The following SGCD variants were observed in gnomAD, a reference collection of about 807,000 sequenced individuals.
SGCD encodes the protein delta-sarcoglycan.
Under a neutral mutation model 36.6 loss-of-function variants are expected in SGCD, and 18 were observed. The observed-to-expected ratio is 0.49, with a 90% confidence interval of 0.34 to 0.73. SGCD has a LOEUF of 0.73. Ranked by LOEUF, SGCD falls within the 30% of genes least tolerant of loss-of-function variation. The probability of loss-of-function intolerance (pLI) is 0.01; values close to 1 mark genes in which losing one functional copy is unlikely to be tolerated. For synonymous variants in SGCD, 133 were observed against 130.6 expected (o/e 1.02, Z -0.12); for missense variants, 387 against 346.7 (o/e 1.12, Z -0.92).
At chr5:156,020,111 G>A (rs1759067773) in intron 1 of SGCD, among the ~76,000 whole-genome samples, 2 of 152,272 alleles carry the variant, frequency 1.3e-5, no homozygotes, top group South Asian at 4.1e-4. Flanking sequence ...CCACCTAGAT[G>A]TGATCAACTA....
intron 3 of SGCD, among the ~76,000 whole-genome samples, chr5:156,233,152 G>A (rs1765063969): frequency 1.3e-5 from 2 of 152,126 alleles, no homozygotes; most frequent in Non-Finnish European, 2.9e-5. Context: ...AAAATTTGTA[G>A]CTATGTAGAA....
chr5:156,697,395 T>C (rs530868192), intron 7 of SGCD, among the ~76,000 whole-genome samples: 234 of 152,300 alleles, frequency 1.5e-3, no homozygotes, highest in Non-Finnish European at 2.7e-3. Flanking sequence ...ACATGTGTAC[T>C]TTTTTGTTCT....
At chr5:156,619,828 A>G (rs1762173993) in intron 6 of SGCD, among the ~76,000 whole-genome samples, 1 of 152,216 alleles carries the variant, frequency 6.6e-6, no homozygotes, top group Admixed American at 6.5e-5. Context: ...AGTACTAAAA[A>G]TATTCTCTTA....
intron 1 of SGCD, among the ~76,000 whole-genome samples, chr5:156,033,947 C>G: frequency 6.6e-6 from 1 of 152,130 alleles, no homozygotes; most frequent in African/African-American, 2.4e-5. Flanking sequence ...AAGACACAAT[C>G]TTTTCCTCAC....
At chr5:156,477,685 C>A (rs202012309) in intron 3 of SGCD, among the ~76,000 whole-genome samples, 2,196 of 100,846 alleles carry the variant, frequency 0.022, no homozygotes, top group Middle Eastern at 0.027. Flanking sequence ...AGTATTTGAG[C>A]AAAAAAAAAA....
the SGCD span, among the ~76,000 whole-genome samples, chr5:155,852,631 C>T: frequency 3.9e-5 from 6 of 152,130 alleles, no homozygotes; most frequent in East Asian, 7.7e-4. Context: ...TAACATGTAG[C>T]TCACTGAAAA....
intron 1 of SGCD, among the ~76,000 whole-genome samples, chr5:155,970,730 CTATGCATCTGTG>C (rs1212830122): frequency 1.3e-5 from 2 of 152,108 alleles, no homozygotes; most frequent in Non-Finnish European, 2.9e-5. Context: ...TACATTTATG[CTATGCATCTGTG>C]TGTGCATCAC....
intron 4 of SGCD, among the ~76,000 whole-genome samples, chr5:156,513,659 A>G (rs1324412966): frequency 6.6e-6 from 1 of 152,218 alleles, no homozygotes; most frequent in Non-Finnish European, 1.5e-5. Context: ...ACATTAGTTA[A>G]GCAATTCACA....
chr5:155,795,700 A>C, the SGCD span, among the ~76,000 whole-genome samples: 4 of 152,184 alleles, frequency 2.6e-5, no homozygotes, highest in Non-Finnish European at 1.5e-5. Flanking sequence ...AATAATTAAA[A>C]GACTAAAATT....
chr5:156,050,105 A>G (rs959573605), intron 1 of SGCD, among the ~76,000 whole-genome samples: 3 of 147,108 alleles, frequency 2.0e-5, no homozygotes, highest in African/African-American at 7.3e-5. Flanking sequence ...ATTGACTCCA[A>G]TTTTGAAAGA....
chr5:156,195,517 C>A (rs1274619520), intron 3 of SGCD, among the ~76,000 whole-genome samples: 2 of 152,162 alleles, frequency 1.3e-5, no homozygotes, highest in Non-Finnish European at 2.9e-5. Flanking sequence ...TTGGAAAATG[C>A]AGGAAAGTGC....
Position 155,937,680 on chromosome 5 carries a change from G to A in SGCD, c.-282+67256G>A, listed in dbSNP as rs151332434. Among the ~76,000 whole-genome samples the A allele has an allele frequency of 3.9e-5, 6 of 152,290 alleles. No individual in the cohort carries two copies. The East Asian group carries it at 1.2e-3, about 29-fold the overall frequency. On this transcript the variant is annotated intron_variant, in intron 1 of 9. Coordinates refer to the SGCD transcript ENST00000517913. The stretch of plus-strand genomic sequence containing the variant: ...CAAGACAGTAGACAAGAAAAATGCA[G>A]TTTCTGACCCCAAAGAGCTTATAAT...
intron 3 of SGCD, among the ~76,000 whole-genome samples, chr5:156,284,759 G>C (rs1581217943): frequency 6.6e-6 from 1 of 152,064 alleles, no homozygotes; most frequent in African/African-American, 2.4e-5. Context: ...TTGAAAACTG[G>C]CACAAGACAG....
At chr5:156,227,205 A>G (rs1190763086) in intron 3 of SGCD, among the ~76,000 whole-genome samples, 1 of 152,016 alleles carries the variant, frequency 6.6e-6, no homozygotes, top group Non-Finnish European at 1.5e-5. Context: ...TTCCAATGCT[A>G]TCTTCTAGAA....
intron 3 of SGCD, among the ~76,000 whole-genome samples, chr5:156,200,702 A>T (rs1764126281): frequency 6.6e-6 from 1 of 152,164 alleles, no homozygotes; most frequent in Non-Finnish European, 1.5e-5. Context: ...CCAAATATTT[A>T]ATTACCATGT....
intron 1 of SGCD, among the ~76,000 whole-genome samples, chr5:156,027,812 T>C (rs1230363179): frequency 6.6e-6 from 1 of 152,182 alleles, no homozygotes; most frequent in African/African-American, 2.4e-5. Flanking sequence ...CTAATTGTCA[T>C]TAATAGTATG....
the SGCD span, among the ~76,000 whole-genome samples, chr5:155,781,111 G>A: frequency 6.6e-6 from 1 of 152,158 alleles, no homozygotes; most frequent in Non-Finnish European, 1.5e-5. Context: ...AATCACTATA[G>A]ACATCATCTG....
the SGCD span, among the ~76,000 whole-genome samples, chr5:155,728,007 C>G: frequency 2.4e-3 from 367 of 152,318 alleles, 1 homozygote; most frequent in South Asian, 7.0e-3. Context: ...GAGCTCCCCC[C>G]ACCCCGCCCG....
At chr5:156,279,495 C>A (rs753859670) in intron 3 of SGCD, among the ~76,000 whole-genome samples, 1 of 152,092 alleles carries the variant, frequency 6.6e-6, no homozygotes, top group Non-Finnish European at 1.5e-5. Flanking sequence ...CTCAGAACAA[C>A]CCTATGGTGA....
Sources: gnomAD v4.1 joint callset for allele counts (sites outside exome capture counted in the v4.1 genomes callset) on GRCh38, gnomAD v4.1.1 for gene constraint, MANE v1.5 for transcripts, NCBI Gene and HGNC (gene_info 2026-07-23, HGNC 2026-07-21) for gene names.